Variants in CNTN5 observed in about 807,000 individuals in gnomAD.
CNTN5 encodes contactin 5.
CNTN5 carries 77 observed loss-of-function variants against 129.1 expected under a neutral mutation model. The ratio of observed to expected loss-of-function variants is 0.60; its 90% CI spans 0.50 to 0.72. CNTN5 has a LOEUF of 0.72. Ranked by LOEUF, CNTN5 falls within the 30% of genes least tolerant of loss-of-function variation. The pLI is 0.00. For missense variants in CNTN5, 1,478 were observed against 1,328.8 expected, an observed-to-expected ratio of 1.11 and a Z score of -1.75; for synonymous variants, 509 against 465.6, an observed-to-expected ratio of 1.09 and a Z score of -1.20.
At chr11:100,145,796 C>T (rs1215899191) in intron 13 of CNTN5, among the ~76,000 whole-genome samples, 1 of 152,096 alleles carries the variant, frequency 6.6e-6, no homozygotes, top group Non-Finnish European at 1.5e-5. Flanking sequence ...AATAGACTCA[C>T]TCAAGAGACA....
At chr11:99,357,813 G>A (rs901106820) in intron 2 of CNTN5, among the ~76,000 whole-genome samples, 2 of 151,476 alleles carry the variant, frequency 1.3e-5, no homozygotes, top group African/African-American at 4.8e-5. Context: ...CCTCTCATCT[G>A]TTATTTATAT....
intron 6 of CNTN5, among the ~76,000 whole-genome samples, chr11:99,848,738 A>G (rs919067871): frequency 5.3e-5 from 8 of 152,126 alleles, no homozygotes; most frequent in Non-Finnish European, 8.8e-5. Flanking sequence ...ATTTTATCAT[A>G]TGTTGTAAAA....
At chr11:99,689,921 A>T (rs1202590645) in intron 3 of CNTN5, among the ~76,000 whole-genome samples, 1 of 151,904 alleles carries the variant, frequency 6.6e-6, no homozygotes, top group Non-Finnish European at 1.5e-5. Context: ...TGTCCAGAAG[A>T]TCTTTAGTTT....
intron 16 of CNTN5, among the ~76,000 whole-genome samples, chr11:100,238,558 AGAG>A (rs1174783558): frequency 9.9e-5 from 15 of 151,588 alleles, no homozygotes; most frequent in East Asian, 3.9e-4. Context: ...AGGGGGAAGA[AGAG>A]GAGGAGGAAG....
chr11:99,961,219 A>AAAAAAAAAAC (rs1565725305), intron 8 of CNTN5, among the ~76,000 whole-genome samples: 1 of 145,720 alleles, frequency 6.9e-6, no homozygotes. Context: ...AAAAAAAAAA[A>AAAAAAAAAAC]AAAAAACAGT....
chr11:99,939,028 AGACT>A (rs1950375944), intron 7 of CNTN5, among the ~76,000 whole-genome samples: 1 of 152,146 alleles, frequency 6.6e-6, no homozygotes, highest in African/African-American at 2.4e-5. Context: ...TGCCCACAGT[AGACT>A]GACTACCTTT....
chr11:99,803,512 G>A (rs1946176944), intron 3 of CNTN5, among the ~76,000 whole-genome samples: 1 of 152,218 alleles, frequency 6.6e-6, no homozygotes, highest in Non-Finnish European at 1.5e-5. Context: ...CTTTGTATGT[G>A]CCCAGATTAA....
At chr11:100,229,269 A>G (rs975487554) in intron 16 of CNTN5, among the ~76,000 whole-genome samples, 1 of 152,208 alleles carries the variant, frequency 6.6e-6, no homozygotes, top group Non-Finnish European at 1.5e-5. Flanking sequence ...GTGTTGATGT[A>G]ATCACTAATT....
intron 1 of CNTN5, among the ~76,000 whole-genome samples, chr11:99,248,229 T>C (rs1424526896): frequency 6.6e-6 from 1 of 152,214 alleles, no homozygotes; most frequent in Admixed American, 6.5e-5. Flanking sequence ...TGAGCATTTT[T>C]TCATGTGTCT....
intron 2 of CNTN5, among the ~76,000 whole-genome samples, chr11:99,455,776 G>GA (rs1302249708): frequency 1.3e-5 from 2 of 152,012 alleles, no homozygotes; most frequent in East Asian, 1.9e-4. Flanking sequence ...GAAGAAAAGG[G>GA]AAAAAAAGCA....
intron 13 of CNTN5, among the ~76,000 whole-genome samples, chr11:100,088,957 C>T (rs1035745399): frequency 9.9e-5 from 15 of 151,940 alleles, no homozygotes; most frequent in African/African-American, 1.7e-4. Flanking sequence ...GGCCAATATC[C>T]CCAATTAAAA....
chr11:99,991,339 TC>T (rs1939083060), intron 8 of CNTN5, among the ~76,000 whole-genome samples: 2 of 125,086 alleles, frequency 1.6e-5, no homozygotes, highest in Admixed American at 1.5e-4. Flanking sequence ...TGGTGGTGGG[TC>T]CCTGTAGTTC....
At chr11:99,305,597 C>A (rs1206130853) in intron 1 of CNTN5, among the ~76,000 whole-genome samples, 1 of 152,070 alleles carries the variant, frequency 6.6e-6, no homozygotes, top group African/African-American at 2.4e-5. Flanking sequence ...GGCAATTTAA[C>A]AATCCACAGC....
At chr11:99,142,031 A>G (rs1005810552) in intron 1 of CNTN5, among the ~76,000 whole-genome samples, 3 of 152,204 alleles carry the variant, frequency 2.0e-5, no homozygotes, top group African/African-American at 4.8e-5. Flanking sequence ...TGACTGTGCT[A>G]TAATTGGGTT....
In CNTN5 at chr11:99,767,716, C is replaced by T. The variant is rs78442977; in HGVS notation, c.56-51828C>T. On this transcript the variant is annotated intron_variant, in intron 3 of 24. Coordinates refer to ENST00000524871, the MANE Select transcript of CNTN5 (RefSeq NM_014361.4). ...TTTTGTTTGCTTCTAAAGACCTGGA[C>T]CTAAGTACTCTCTAACCTTCTCTTT... is the stretch of plus-strand genomic sequence containing the variant. 4.7e-3 allele frequency among the ~76,000 whole-genome samples: 717 copies of T among 151,546 alleles called. 9 individuals are homozygous for T. The highest frequency in any genetic ancestry group is 0.014 in the African/African-American group (577 of 41,404).
rs1261047047 is a variant in CNTN5 at position 99,839,551 on chromosome 11, G to A, written c.278-5301G>A. 6.6e-5 allele frequency among the ~76,000 whole-genome samples: 10 copies of A among 152,126 alleles called. No homozygotes were observed. In the East Asian group the frequency reaches 1.7e-3, roughly 26 times the overall value. ...CCTAAGGATTTTCCCTGTGAACCAC[G>A]CAGATGTCCTTAAAAAGGAAATAGG... On this transcript the variant is annotated intron_variant, in intron 4 of 24. Transcript: ENST00000524871.
At chr11:99,613,869 T>G (rs1473539162) in intron 3 of CNTN5, among the ~76,000 whole-genome samples, 1 of 152,208 alleles carries the variant, frequency 6.6e-6, no homozygotes, top group African/African-American at 2.4e-5. Context: ...TGATGTAAAC[T>G]GTTAACTTGT....
chr11:99,669,238 T>C (rs1016191766), intron 3 of CNTN5, among the ~76,000 whole-genome samples: 1 of 152,152 alleles, frequency 6.6e-6, no homozygotes, highest in Admixed American at 6.5e-5. Flanking sequence ...AAAATAAGAC[T>C]TGAATGAATC....
chr11:100,157,580 A>C (rs58571151), intron 13 of CNTN5, among the ~76,000 whole-genome samples: 5,270 of 151,860 alleles, frequency 0.035, 313 homozygotes, highest in African/African-American at 0.12. Context: ...GTTTTTGTGG[A>C]GCTTGATAAG....
Sources: allele counts gnomAD v4.1 joint callset (sites outside exome capture counted in the v4.1 genomes callset), GRCh38; gene constraint gnomAD v4.1.1; transcripts MANE v1.5; gene names NCBI Gene and HGNC (gene_info 2026-07-23, HGNC 2026-07-21).